The following PAK3 variants were observed in gnomAD, a reference collection of about 807,000 sequenced individuals.
The protein encoded by PAK3 is serine/threonine-protein kinase PAK 3.
A neutral mutation model predicts 41.0 loss-of-function variants in PAK3; 4 were observed. That is an observed-to-expected ratio of 0.10 (90% CI 0.05 to 0.22). PAK3 has a LOEUF of 0.22. PAK3 is among the 10% of genes least tolerant of loss of function. The pLI, the probability that PAK3 is intolerant of heterozygous loss-of-function variation, is 1.00. For missense variants in PAK3, 205 were observed against 409.9 expected (o/e 0.50, Z 4.32); for synonymous variants, 146 against 139.6 (o/e 1.05, Z -0.32).
chrX:111,207,342 G>T, intron 16 of PAK3, among the ~76,000 whole-genome samples: 1 of 109,632 alleles, frequency 9.1e-6, no homozygotes, highest in Non-Finnish European at 1.9e-5. Context: ...TTAAAATGAT[G>T]GTTTCATTGT....
At chrX:111,043,148 G>A (rs901961225) in intron 1 of PAK3, among the ~76,000 whole-genome samples, 1 of 110,573 alleles carries the variant, frequency 9.0e-6, no homozygotes, top group Non-Finnish European at 1.9e-5. Flanking sequence ...TAAAAGATTA[G>A]CCAGGTGTGA....
At chrX:111,155,129 G>A (rs1244480331) in intron 8 of PAK3, among the ~76,000 whole-genome samples, 2 of 111,449 alleles carry the variant, frequency 1.8e-5, no homozygotes, top group African/African-American at 6.5e-5. Context: ...TTTACCAACT[G>A]CCTCCTTATA....
chrX:111,224,896 C>T lies in PAK3; in HGVS notation c.*4449C>T, dbSNP rs1354362760. ...ATACTTAGGGGAGTCTTAACCCTGC[C>T]ATCCCCGGTTGAATCTCTTGGTCTT... On this transcript the variant is annotated 3_prime_UTR_variant, in exon 18 of 18. Transcript: ENST00000372007. 8.9e-6 allele frequency: 1 copy of T among 112,175 alleles called. No individual in the cohort carries two copies. The highest frequency in any genetic ancestry group is 1.9e-5 in the Non-Finnish European group (1 of 53,266). The allele number at this position is 112,175 out of a possible 1,213,427, so 9.2% of individuals were successfully genotyped here.
At chrX:111,029,035 G>T (rs1303381010) in intron 1 of PAK3, among the ~76,000 whole-genome samples, 1 of 111,509 alleles carries the variant, frequency 9.0e-6, no homozygotes, top group Non-Finnish European at 1.9e-5. Context: ...TATTTGAGAG[G>T]CTGAAGCAAG....
intron 1 of PAK3, among the ~76,000 whole-genome samples, chrX:111,040,639 T>C (rs2148769572): frequency 9.0e-6 from 1 of 111,676 alleles, no homozygotes; most frequent in South Asian, 3.8e-4. Flanking sequence ...GTGCAGGATA[T>C]TGTCAGAATT....
chrX:110,996,103 A>G (rs2091734765), intron 1 of PAK3, among the ~76,000 whole-genome samples: 1 of 112,076 alleles, frequency 8.9e-6, no homozygotes, highest in Non-Finnish European at 1.9e-5. Flanking sequence ...CCTCTTCTAG[A>G]TGAAGTAAAT....
rs199990531 is a variant in PAK3 at position 111,178,990 on chromosome X, G to GATAT, written c.830+5910_830+5913dup. On this transcript the variant is annotated intron_variant, in intron 11 of 17. Coordinates refer to ENST00000372007, the MANE Select transcript of PAK3 (RefSeq NM_002578.5). Reference sequence around the variant, plus strand: ...ATATATATATATATATAGAGAGAGAGATATCTGTATATCTATATATCTATA... The same window carrying GATAT: ...ATATATATATATATATAGAGAGAGAGATATATATCTGTATATCTATATATCTATA... Among the ~76,000 whole-genome samples, 221 of 92,815 alleles carry GATAT rather than the reference G, an allele frequency of 2.4e-3. 2 individuals carry two copies. Among genetic ancestry groups the GATAT allele is most frequent in the African/African-American group, 8.2e-3 (209 of 25,614 alleles). The allele number at this position is 92,815 out of a possible 115,157, so 80.6% of individuals were successfully genotyped here.
chrX:111,091,707 C>A (rs2092930494), upstream of PAK3, among the ~76,000 whole-genome samples: 1 of 111,805 alleles, frequency 8.9e-6, no homozygotes, highest in African/African-American at 3.3e-5. Context: ...CTTGAGACCC[C>A]TATGATGGGC....
intron 1 of PAK3, among the ~76,000 whole-genome samples, chrX:111,026,844 T>C (rs2092276899): frequency 9.0e-6 from 1 of 111,707 alleles, no homozygotes; most frequent in African/African-American, 3.2e-5. Flanking sequence ...AGAGCCCACA[T>C]AGCCAAAGCA....
At chrX:111,049,401 G>A (rs2092533604) in intron 1 of PAK3, among the ~76,000 whole-genome samples, 1 of 112,275 alleles carries the variant, frequency 8.9e-6, no homozygotes. Flanking sequence ...ATTCACCCTT[G>A]TATCTCCCAT....
At chrX:111,204,874 CTTTGTTTT>C (rs2094723129) in intron 16 of PAK3, among the ~76,000 whole-genome samples, 1 of 57,108 alleles carries the variant, frequency 1.8e-5, no homozygotes, top group African/African-American at 7.9e-5. Flanking sequence ...CTTTCCTTTG[CTTTGTTTT>C]TTTTTTTTTT....
chrX:111,102,558 G>A (rs1056066586), intron 3 of PAK3, among the ~76,000 whole-genome samples: 1 of 111,728 alleles, frequency 9.0e-6, no homozygotes, highest in African/African-American at 3.3e-5. Flanking sequence ...TGGAGGTGGA[G>A]ACTTAGAGTT....
intron 11 of PAK3, among the ~76,000 whole-genome samples, chrX:111,179,422 T>C (rs1261376831): frequency 9.0e-6 from 1 of 111,400 alleles, no homozygotes; most frequent in Non-Finnish European, 1.9e-5. Context: ...TATGACTTTT[T>C]AAAATTTCTA....
intron 16 of PAK3, among the ~76,000 whole-genome samples, chrX:111,207,098 G>GTA (rs1556312650): frequency 3.4e-4 from 35 of 103,109 alleles, no homozygotes; most frequent in Admixed American, 5.3e-4. Context: ...GTGTGTGTGT[G>GTA]TATATATATA....
At chrX:111,116,120 A>G (rs189817647) in intron 4 of PAK3, among the ~76,000 whole-genome samples, 6 of 111,025 alleles carry the variant, frequency 5.4e-5, no homozygotes, top group African/African-American at 1.3e-4. Flanking sequence ...TTGGTTTGCC[A>G]TGTCCTGCTT....
At chrX:111,145,824 T>G (rs1015588293) in intron 6 of PAK3, among the ~76,000 whole-genome samples, 6 of 112,047 alleles carry the variant, frequency 5.4e-5, no homozygotes, top group African/African-American at 1.9e-4. Flanking sequence ...AGCACTAAAA[T>G]GGAAATTATA....
chrX:111,094,993 G>A (rs888432422), upstream of PAK3, among the ~76,000 whole-genome samples: 2 of 111,324 alleles, frequency 1.8e-5, no homozygotes, highest in Non-Finnish European at 3.8e-5. Context: ...GTGGTCATCT[G>A]TAGCTCTTTT....
intron 6 of PAK3, among the ~76,000 whole-genome samples, chrX:111,144,037 T>G (rs1313618628): frequency 1.8e-5 from 2 of 111,821 alleles, no homozygotes; most frequent in African/African-American, 6.5e-5. Context: ...GCTCTTTCAT[T>G]TATCATTCTG....
At chrX:111,029,454 G>A (rs943453667) in intron 1 of PAK3, among the ~76,000 whole-genome samples, 2 of 111,730 alleles carry the variant, frequency 1.8e-5, no homozygotes, top group African/African-American at 3.3e-5. Context: ...GTCAATCAAC[G>A]TGTATTTTGT....
Sources: gnomAD v4.1 joint callset for allele counts (sites outside exome capture counted in the v4.1 genomes callset) on GRCh38, gnomAD v4.1.1 for gene constraint, MANE v1.5 for transcripts, NCBI Gene and HGNC (gene_info 2026-07-23, HGNC 2026-07-21) for gene names.